NEDD4L: variants seen among roughly 807,000 people sequenced by gnomAD.
The protein encoded by NEDD4L is E3 ubiquitin-protein ligase NEDD4-like.
A neutral mutation model predicts 148.9 loss-of-function variants in NEDD4L; 54 were observed. The observed-to-expected ratio is 0.36, with a 90% CI of 0.29 to 0.45. The LOEUF (loss-of-function observed/expected upper bound fraction) is 0.45. Ranked by LOEUF, NEDD4L falls within the 20% of genes least tolerant of loss-of-function variation. The probability of loss-of-function intolerance (pLI) is 1.00; values close to 1 mark genes in which losing one functional copy is unlikely to be tolerated. For synonymous variants in NEDD4L, 433 were observed against 440.7 expected (o/e 0.98, Z 0.22); for missense variants, 856 against 1,233.8 (o/e 0.69, Z 4.59).
chr18:58,180,823 TCTGCC>T (rs1197882582), intron 2 of NEDD4L, among the ~76,000 whole-genome samples: 1 of 152,226 alleles, frequency 6.6e-6, no homozygotes, highest in Admixed American at 6.5e-5. Flanking sequence ...GCAGAGGGGC[TCTGCC>T]CATGTAAGTT....
At chr18:58,337,541 G>A (rs1269259860) in intron 13 of NEDD4L, among the ~76,000 whole-genome samples, 1 of 152,034 alleles carries the variant, frequency 6.6e-6, no homozygotes, top group Non-Finnish European at 1.5e-5. Flanking sequence ...ATACGGCTGT[G>A]TACACATAGG....
chr18:58,195,417 G>A, intron 2 of NEDD4L: 2 of 1,291,156 alleles, frequency 1.5e-6, no homozygotes, highest in South Asian at 1.3e-5. Context: ...ATTTGAATTT[G>A]CTCCCGATTC....
chr18:58,119,927 G>C (rs2086114691), intron 1 of NEDD4L, among the ~76,000 whole-genome samples: 1 of 152,136 alleles, frequency 6.6e-6, no homozygotes, highest in Non-Finnish European at 1.5e-5. Flanking sequence ...GTTCTTACCT[G>C]GCTCCCCAGG....
intron 22 of NEDD4L, 89 bp from the exon 23 acceptor site, chr18:58,370,308 A>G: frequency 1.5e-5 from 12 of 817,778 alleles, no homozygotes; most frequent in Non-Finnish European, 2.1e-5. Flanking sequence ...TCTCATTTAC[A>G]TTGAAAGCAG....
At chr18:58,333,146 G>C (rs34517636) in intron 11 of NEDD4L, among the ~76,000 whole-genome samples, 15 of 151,584 alleles carry the variant, frequency 9.9e-5, no homozygotes, top group African/African-American at 3.4e-4. Flanking sequence ...AGTGTGGTGG[G>C]GGGGGCTTGT....
At chr18:58,341,529 C>A in intron 14 of NEDD4L, 149 bp from the exon 15 acceptor site, 2 of 806,532 alleles carry the variant, frequency 2.5e-6, no homozygotes, top group Non-Finnish European at 3.9e-6. Flanking sequence ...ATCCTTTCCC[C>A]CATCATTATG....
At chr18:58,187,893 G>A (rs928371715) in intron 2 of NEDD4L, among the ~76,000 whole-genome samples, 4 of 152,098 alleles carry the variant, frequency 2.6e-5, no homozygotes, top group African/African-American at 7.2e-5. Flanking sequence ...TGCTAGCTCA[G>A]GAAGCTTCAG....
chr18:58,186,127 A>C (rs1385156595), intron 2 of NEDD4L, among the ~76,000 whole-genome samples: 1 of 152,220 alleles, frequency 6.6e-6, no homozygotes, highest in Non-Finnish European at 1.5e-5. Flanking sequence ...AAGGATGCAC[A>C]AGAACATACA....
chr18:58,056,592 CT>C (rs2082095174), intron 1 of NEDD4L, among the ~76,000 whole-genome samples: 1 of 151,878 alleles, frequency 6.6e-6, no homozygotes, highest in Non-Finnish European at 1.5e-5. Flanking sequence ...TATTTTTTTA[CT>C]TTTTTTCAAG....
At chr18:58,238,267 C>T (rs564088122) in intron 2 of NEDD4L, among the ~76,000 whole-genome samples, 40 of 152,194 alleles carry the variant, frequency 2.6e-4, no homozygotes, top group African/African-American at 7.9e-4. Context: ...TTTCAGTAGT[C>T]ATCTATTTAG....
Position 58,387,467 on chromosome 18 carries a change from T to A in NEDD4L, c.2516T>A (p.Leu839Ter). The A allele has an allele frequency of 6.4e-7, 1 of 1,573,920 alleles. No homozygotes were observed. Among genetic ancestry groups the A allele is most frequent in the African/African-American group, 1.4e-5 (1 of 73,880 alleles). ...TTCACAGAACTACTTCCTATTGATT[T>A]GATTAAAATTTTTGATGAAAATGAG... The part of the protein sequence containing the change: ...EGFTELLPID[L>*]IKIFDENELE... Residue 839 changes from leucine (L) to a stop codon, truncating the protein, a stop_gained, in exon 27 of 31, where the codon TTG (leucine) becomes TAG (stop). Coordinates refer to ENST00000400345, the MANE Select transcript of NEDD4L (RefSeq NM_001144967.3). LOFTEE classifies it high-confidence loss of function.
chr18:58,217,928 G>A (rs1387168953), intron 2 of NEDD4L, among the ~76,000 whole-genome samples: 1 of 152,118 alleles, frequency 6.6e-6, no homozygotes. Flanking sequence ...TTTTAAAAAC[G>A]TACTTTTCGA....
intron 2 of NEDD4L, among the ~76,000 whole-genome samples, chr18:58,169,713 T>C (rs1189591620): frequency 4.6e-5 from 7 of 152,242 alleles, no homozygotes; most frequent in Admixed American, 4.6e-4. Context: ...CCGTTTCTGC[T>C]GTCCCCTTTC....
At chr18:58,240,795 A>T (rs1208110413) in intron 2 of NEDD4L, among the ~76,000 whole-genome samples, 1 of 150,094 alleles carries the variant, frequency 6.7e-6, no homozygotes, top group Non-Finnish European at 1.5e-5. Flanking sequence ...GATGAGGAGG[A>T]TGATGGCGGC....
intron 1 of NEDD4L, among the ~76,000 whole-genome samples, chr18:58,098,180 G>A (rs188200543): frequency 6.6e-6 from 1 of 152,260 alleles, no homozygotes; most frequent in African/African-American, 2.4e-5. Flanking sequence ...CATGCCTAAG[G>A]TCAGCTGAGC....
At chr18:58,311,555 A>G (rs1018822780) in intron 5 of NEDD4L, among the ~76,000 whole-genome samples, 1 of 151,930 alleles carries the variant, frequency 6.6e-6, no homozygotes, top group Non-Finnish European at 1.5e-5. Context: ...TCTCCCTTTG[A>G]GCTTCCGTGT....
chr18:58,251,923 T>C, intron 4 of NEDD4L, 78 bp from the exon 5 acceptor site: 1 of 801,764 alleles, frequency 1.2e-6, no homozygotes, highest in Non-Finnish European at 2.2e-6. Flanking sequence ...TAAAGCAGTA[T>C]GTTATTCTTT....
chr18:58,123,400 C>T (rs968407086), intron 1 of NEDD4L, among the ~76,000 whole-genome samples: 2 of 152,286 alleles, frequency 1.3e-5, no homozygotes, highest in Non-Finnish European at 2.9e-5. Context: ...CCGGGCTTTG[C>T]CAATCTGTGG....
At chr18:58,360,709 G>C (rs532217523) in intron 19 of NEDD4L, among the ~76,000 whole-genome samples, 1 of 151,908 alleles carries the variant, frequency 6.6e-6, no homozygotes, top group African/African-American at 2.4e-5. Context: ...CTCTCCTTAA[G>C]AGTGTAGATT....
Sources: gnomAD v4.1 joint callset for allele counts (sites outside exome capture counted in the v4.1 genomes callset) on GRCh38, gnomAD v4.1.1 for gene constraint, MANE v1.5 for transcripts, NCBI Gene and HGNC (gene_info 2026-07-23, HGNC 2026-07-21) for gene names.